CDH13: variants seen among roughly 807,000 people sequenced by gnomAD.
CDH13 encodes cadherin-13.
In CDH13, 24 loss-of-function variants were observed where a neutral mutation model predicts 63.8. That is an observed-to-expected ratio of 0.38 (90% CI 0.27 to 0.53). The LOEUF (loss-of-function observed/expected upper bound fraction) is 0.53. Ranked by LOEUF, CDH13 falls within the 20% of genes least tolerant of loss-of-function variation. The probability of loss-of-function intolerance (pLI) is 0.85; values close to 1 mark genes in which losing one functional copy is unlikely to be tolerated. For missense variants in CDH13, 1,049 were observed against 903.1 expected, an observed-to-expected ratio of 1.16 and a Z score of -2.07; for synonymous variants, 503 against 355.3, an observed-to-expected ratio of 1.42 and a Z score of -4.67.
At chr16:83,626,115 G>T (rs1423477811) in intron 8 of CDH13, among the ~76,000 whole-genome samples, 1 of 151,740 alleles carries the variant, frequency 6.6e-6, no homozygotes, top group South Asian at 2.1e-4. Context: ...GGCTCCAATG[G>T]TCCTCCTATG....
chr16:83,038,571 C>T (rs1917066136), intron 3 of CDH13, among the ~76,000 whole-genome samples: 1 of 152,184 alleles, frequency 6.6e-6, no homozygotes, highest in Admixed American at 6.6e-5. Context: ...TGGACAGAAT[C>T]ATGACTTTTC....
intron 6 of CDH13, among the ~76,000 whole-genome samples, chr16:83,403,175 A>G (rs1194400480): frequency 6.6e-6 from 1 of 152,120 alleles, no homozygotes. Context: ...GCTAAGGTAC[A>G]CTATATGAGG....
At chr16:82,880,303 G>C (rs76660575) in intron 2 of CDH13, among the ~76,000 whole-genome samples, 35 of 152,072 alleles carry the variant, frequency 2.3e-4, no homozygotes, top group Admixed American at 6.6e-5. Flanking sequence ...TGGATGAGGG[G>C]TCTGAAGGTT....
chr16:82,980,875 CTA>C (rs778021130), intron 2 of CDH13, among the ~76,000 whole-genome samples: 14 of 152,176 alleles, frequency 9.2e-5, no homozygotes, highest in Non-Finnish European at 1.8e-4. Flanking sequence ...ATTAAAGTGT[CTA>C]TGTCAGGAAG....
chr16:83,319,988 C>G (rs939427826), intron 5 of CDH13, among the ~76,000 whole-genome samples: 8 of 152,184 alleles, frequency 5.3e-5, no homozygotes, highest in African/African-American at 1.9e-4. Flanking sequence ...TAGGATTATT[C>G]TGCAGCACGT....
intron 10 of CDH13, among the ~76,000 whole-genome samples, chr16:83,736,434 T>C (rs1911543114): frequency 6.6e-6 from 1 of 152,238 alleles, no homozygotes; most frequent in South Asian, 2.1e-4. Flanking sequence ...ATTGTTAAAT[T>C]TGTGGCTTTA....
intron 1 of CDH13, among the ~76,000 whole-genome samples, chr16:82,803,369 CAG>C (rs2036968107): frequency 6.6e-6 from 1 of 152,142 alleles, no homozygotes; most frequent in Non-Finnish European, 1.5e-5. Context: ...CAGGAAGGGG[CAG>C]AGTGTTTTCT....
chr16:82,944,325 C>G (rs1904456476), intron 2 of CDH13, among the ~76,000 whole-genome samples: 1 of 152,156 alleles, frequency 6.6e-6, no homozygotes, highest in Admixed American at 6.6e-5. Context: ...TGGATTACTA[C>G]TCAACGTGTT....
intron 4 of CDH13, among the ~76,000 whole-genome samples, chr16:83,196,776 T>A (rs1374437680): frequency 6.6e-6 from 1 of 152,176 alleles, no homozygotes; most frequent in African/African-American, 2.4e-5. Flanking sequence ...AATTTATTTT[T>A]AAAAAGCAGT....
chr16:82,950,729 A>G (rs540428595), intron 2 of CDH13, among the ~76,000 whole-genome samples: 21 of 152,126 alleles, frequency 1.4e-4, no homozygotes, highest in South Asian at 1.0e-3. Context: ...AGGTCTACCC[A>G]TGACTTTATT....
At chr16:83,287,469 A>G (rs947295472) in intron 5 of CDH13, among the ~76,000 whole-genome samples, 4 of 151,796 alleles carry the variant, frequency 2.6e-5, no homozygotes, top group African/African-American at 9.7e-5. Context: ...ACCTCCTGTC[A>G]GATCAGGGGC....
chr16:82,932,380 C>T (rs2042525225), intron 2 of CDH13, among the ~76,000 whole-genome samples: 1 of 152,206 alleles, frequency 6.6e-6, no homozygotes, highest in African/African-American at 2.4e-5. Context: ...CAGGCAACAA[C>T]CGCTGAAGAG....
At chr16:83,065,763 C>T (rs553926748) in intron 3 of CDH13, among the ~76,000 whole-genome samples, 40 of 151,916 alleles carry the variant, frequency 2.6e-4, no homozygotes, top group Middle Eastern at 3.4e-3. Context: ...TTTAGGTTCT[C>T]GCTCTTTGGA....
chr16:83,563,099 C>T (rs149179619), intron 7 of CDH13, among the ~76,000 whole-genome samples: 3 of 152,294 alleles, frequency 2.0e-5, no homozygotes, highest in Non-Finnish European at 2.9e-5. Context: ...ATGAATGATG[C>T]GTGAATTAAT....
chr16:83,243,297 C>T (rs1597584027), intron 5 of CDH13, among the ~76,000 whole-genome samples: 1 of 152,294 alleles, frequency 6.6e-6, no homozygotes, highest in East Asian at 1.9e-4. Flanking sequence ...TTCCTCATGG[C>T]TGGAGAGGCC....
intron 10 of CDH13, among the ~76,000 whole-genome samples, chr16:83,743,562 C>T (rs1271334774): frequency 6.6e-6 from 1 of 152,106 alleles, no homozygotes; most frequent in Non-Finnish European, 1.5e-5. Context: ...ATTGCTTGTA[C>T]GCCAAACATG....
At chr16:82,931,727 G>T (rs183384453) in intron 2 of CDH13, among the ~76,000 whole-genome samples, 1 of 152,134 alleles carries the variant, frequency 6.6e-6, no homozygotes, top group Non-Finnish European at 1.5e-5. Flanking sequence ...GAAAATGAGA[G>T]CCAAATGAAA....
At chr16:83,194,075 C>T (rs1457678115) in intron 4 of CDH13, among the ~76,000 whole-genome samples, 3 of 152,212 alleles carry the variant, frequency 2.0e-5, no homozygotes, top group African/African-American at 7.2e-5. Context: ...TTCAGTGATT[C>T]TGTGCCTTAC....
At chr16:83,144,707 G>GA (rs766808287) in intron 4 of CDH13, among the ~76,000 whole-genome samples, 2 of 152,148 alleles carry the variant, frequency 1.3e-5, no homozygotes, top group East Asian at 1.9e-4. Flanking sequence ...AAATTTTTCC[G>GA]AAAAAATCAC....
Sources: allele counts gnomAD v4.1 joint callset (sites outside exome capture counted in the v4.1 genomes callset), GRCh38; gene constraint gnomAD v4.1.1; transcripts MANE v1.5; gene names NCBI Gene and HGNC (gene_info 2026-07-23, HGNC 2026-07-21).